Variants in LMX1B observed in about 807,000 individuals in gnomAD.
LMX1B encodes LIM homeobox transcription factor 1 beta.
Under a neutral mutation model 51.4 loss-of-function variants are expected in LMX1B, and 12 were observed. That is an observed-to-expected ratio of 0.23 (90% CI 0.15 to 0.38). LMX1B has a LOEUF of 0.38. Ranked by LOEUF, LMX1B falls within the 10% of genes least tolerant of loss-of-function variation. The pLI is 1.00. For synonymous variants in LMX1B, 237 were observed against 235.4 expected (o/e 1.01, Z -0.06); for missense variants, 445 against 571.1 (o/e 0.78, Z 2.25).
chr9:126,690,055 C>T (rs150824090), intron 2 of LMX1B, among the ~76,000 whole-genome samples: 7 of 152,206 alleles, frequency 4.6e-5, no homozygotes, highest in Non-Finnish European at 8.8e-5. Context: ...AAAGATGGGT[C>T]GAAAGATGGC....
At chr9:126,651,300 G>C (rs932274715) in intron 2 of LMX1B, among the ~76,000 whole-genome samples, 1 of 152,062 alleles carries the variant, frequency 6.6e-6, no homozygotes, top group South Asian at 2.1e-4. Flanking sequence ...GAGGGACTGG[G>C]GGGGGTGGCT....
chr9:126,680,126 G>C (rs1482525623), intron 2 of LMX1B, among the ~76,000 whole-genome samples: 2 of 152,216 alleles, frequency 1.3e-5, no homozygotes, highest in African/African-American at 4.8e-5. Flanking sequence ...CTGGACTGTG[G>C]GCGCCATCAT....
In LMX1B at chr9:126,617,277, G is replaced by A. The variant is rs376929536; in HGVS notation, c.326+1708G>A. The stretch of plus-strand genomic sequence containing the variant: ...GGCCTCACTCTGCTTGCCTGATCCC[G>A]AGCTCTGGCAGTGCCACTTACACCC... On this transcript the variant is annotated intron_variant, in intron 2 of 7. Transcript: ENST00000373474. Among the ~76,000 whole-genome samples the A allele has an allele frequency of 1.3e-3, 190 of 151,716 alleles. 4 individuals carry two copies. The South Asian group carries it at 0.029, about 23-fold the overall frequency.
At chr9:126,661,085 G>A (rs1398485159) in intron 2 of LMX1B, among the ~76,000 whole-genome samples, 1 of 152,220 alleles carries the variant, frequency 6.6e-6, no homozygotes, top group Non-Finnish European at 1.5e-5. Context: ...TCCCACATGG[G>A]ACAGCCTCAC....
intron 2 of LMX1B, among the ~76,000 whole-genome samples, chr9:126,667,569 A>G (rs1836366786): frequency 6.6e-6 from 1 of 152,248 alleles, no homozygotes; most frequent in Non-Finnish European, 1.5e-5. Flanking sequence ...CTGGATCCCC[A>G]GAGAGGCTGG....
At chr9:126,686,511 A>G (rs114118931) in intron 2 of LMX1B, among the ~76,000 whole-genome samples, 2,294 of 152,288 alleles carry the variant, frequency 0.015, 71 homozygotes, top group African/African-American at 0.053. Context: ...ATATCAGATG[A>G]TCCCCTGGAG....
chr9:126,682,567 C>T (rs982612600), intron 2 of LMX1B, among the ~76,000 whole-genome samples: 2 of 152,210 alleles, frequency 1.3e-5, no homozygotes, highest in East Asian at 3.8e-4. Flanking sequence ...GCCCCGCCTC[C>T]AGACAGCGCC....
rs1835238529 is a variant in LMX1B at position 126,613,939 on chromosome 9, T to G, written c.-511T>G. 6.8e-6 allele frequency among the ~76,000 whole-genome samples: 1 copy of G among 146,158 alleles called. No individual in the cohort carries two copies. The highest frequency in any genetic ancestry group is 2.5e-5 in the African/African-American group (1 of 40,722). On this transcript the variant is annotated 5_prime_UTR_variant, in exon 1 of 8. Transcript: ENST00000373474. The surrounding 1 kb of genome is among the most constrained non-coding windows in gnomAD (Gnocchi z 4.5). ...ATCCCTCCGCCGCCAGCCCCAGCTC[T>G]AAACCCGGCGGCTCAGCGGGCGCAC...
intron 2 of LMX1B, among the ~76,000 whole-genome samples, chr9:126,676,581 C>T (rs1434266712): frequency 1.3e-5 from 2 of 152,212 alleles, no homozygotes; most frequent in African/African-American, 2.4e-5. Flanking sequence ...CCAAGTAGAG[C>T]ATGGACAAGG....
chr9:126,620,716 T>A (rs1835394981), intron 2 of LMX1B, among the ~76,000 whole-genome samples: 1 of 152,096 alleles, frequency 6.6e-6, no homozygotes, highest in Non-Finnish European at 1.5e-5. Flanking sequence ...TGCTGGCTCT[T>A]TTTCCTTTGG....
intron 5 of LMX1B, 70 bp downstream of exon 5, chr9:126,693,671 C>A: frequency 1.2e-6 from 2 of 1,601,354 alleles, no homozygotes; most frequent in Non-Finnish European, 1.7e-6. Context: ...CAGAAGACTA[C>A]GGTCCAGGGG....
rs140056121 is a variant in LMX1B, at chr9:126,652,186, G to C, written c.326+36617G>C. ...CCAAACCGGAGGAGCTGCCTGTCAC[G>C]GTGCCTGTGATCCTGTGATCCGAGG... On this transcript the variant is annotated intron_variant, in intron 2 of 7. Transcript: ENST00000373474. Among the ~76,000 whole-genome samples the C allele has an allele frequency of 1.5e-3, 230 of 152,090 alleles. 3 individuals carry two copies. The highest frequency in any genetic ancestry group is 5.3e-3 in the African/African-American group (219 of 41,526).
At chr9:126,622,038 G>A (rs1835426218) in intron 2 of LMX1B, among the ~76,000 whole-genome samples, 1 of 152,178 alleles carries the variant, frequency 6.6e-6, no homozygotes, top group Non-Finnish European at 1.5e-5. Context: ...TTTCTGCTCA[G>A]CATTTTGACT....
At position 126,693,306 on chromosome 9, in the gene LMX1B, T is replaced by A. The variant is rs531527584; in HGVS notation, c.724T>A (p.Ser242Thr). Residue 242 changes from serine to threonine, a missense_variant, in exon 4 of 8, where the codon TCG becomes ACG. Physicochemically the swap from Ser to Thr is moderately conservative, Grantham distance 58 (BLOSUM62 1). This residue lies in a region of LMX1B where 273 missense variants were observed against 343.3 expected (regional missense o/e 0.80). Transcript: ENST00000373474. ...CTTCAAGGCCTCCTTCGAGGTCTCG[T>A]CGAAGCCTTGCCGAAAGGTGAGGGG... ...RAFKASFEVS[S>T]KPCRKVRETL... The A allele has an allele frequency of 1.9e-6, 3 of 1,604,468 alleles. No individual in the cohort carries two copies. The Admixed American group carries it at 5.1e-5, about 27-fold the overall frequency.
chr9:126,616,327 A>G (rs1385047212), intron 2 of LMX1B, among the ~76,000 whole-genome samples: 4 of 152,158 alleles, frequency 2.6e-5, no homozygotes, highest in African/African-American at 7.2e-5. Context: ...TATAACCCAA[A>G]CCTCAGGGCT....
chr9:126,674,423 C>A (rs1156567920), intron 2 of LMX1B, among the ~76,000 whole-genome samples: 1 of 152,208 alleles, frequency 6.6e-6, no homozygotes, highest in Non-Finnish European at 1.5e-5. Context: ...CAACAGGCCC[C>A]TGCTAAGTGT....
chr9:126,622,242 G>C (rs1835429426), intron 2 of LMX1B, among the ~76,000 whole-genome samples: 1 of 152,180 alleles, frequency 6.6e-6, no homozygotes, highest in South Asian at 2.1e-4. Context: ...GAACTGGGGG[G>C]AAGTGTTGCT....
intron 2 of LMX1B, among the ~76,000 whole-genome samples, chr9:126,665,862 A>G (rs954600007): frequency 2.6e-5 from 4 of 151,906 alleles, no homozygotes; most frequent in Admixed American, 2.6e-4. Flanking sequence ...CAACAAGGCC[A>G]GCGTGGGCCC....
rs1344890758 is a variant in LMX1B, at chr9:126,641,545, C to T, written c.326+25976C>T. Among the ~76,000 whole-genome samples the T allele has an allele frequency of 6.6e-6, 1 of 152,096 alleles. No individual in the cohort carries two copies. The highest frequency in any genetic ancestry group is 1.5e-5 in the Non-Finnish European group (1 of 68,014). On this transcript the variant is annotated intron_variant, in intron 2 of 7. Coordinates refer to ENST00000373474, the MANE Select transcript of LMX1B (RefSeq NM_001174147.2). The surrounding 1 kb of genome is among the most constrained non-coding windows in gnomAD (Gnocchi z 4.1). ...ATGGTCTTCTCGGGCCTGAGCTGGG[C>T]TGGGCTGGGTTAGGCGACCACCCCC...
Sources: allele counts gnomAD v4.1 joint callset (sites outside exome capture counted in the v4.1 genomes callset), GRCh38; gene constraint gnomAD v4.1.1; regional missense constraint gnomAD v4.1.1; non-coding constraint Gnocchi (gnomAD v3.1); transcripts MANE v1.5; gene names NCBI Gene and HGNC (gene_info 2026-07-23, HGNC 2026-07-21).